The following PRKCQ variants were observed in gnomAD, a reference collection of about 807,000 sequenced individuals.
PRKCQ encodes the protein protein kinase C theta type.
Under a neutral mutation model 91.2 loss-of-function variants are expected in PRKCQ, and 41 were observed. That is an observed-to-expected ratio of 0.45 (90% CI 0.35 to 0.58). The LOEUF is 0.58. Ranked by LOEUF, PRKCQ falls within the 20% of genes least tolerant of loss-of-function variation. The pLI is 0.00. For missense variants in PRKCQ, 673 were observed against 896.5 expected, an observed-to-expected ratio of 0.75 and a Z score of 3.18; for synonymous variants, 307 against 316.9, an observed-to-expected ratio of 0.97 and a Z score of 0.33.
rs147397741 is a variant in PRKCQ, at chr10:6,431,399, C to T, written c.1837-461G>A. ...ATAAACACACACTGGCACACATGCACATAAATGTGAGCACGTGCAGACATA... is the reference window on the plus strand; with the variant it reads ...ATAAACACACACTGGCACACATGCATATAAATGTGAGCACGTGCAGACATA... On this transcript the variant is annotated intron_variant, in intron 16 of 17. Coordinates refer to ENST00000263125, the MANE Select transcript of PRKCQ (RefSeq NM_006257.5). Among the ~76,000 whole-genome samples, 18 of 152,326 alleles carry T rather than the reference C, an allele frequency of 1.2e-4. No individual in the cohort carries two copies. The East Asian group carries it at 3.3e-3, about 28-fold the overall frequency.
At chr10:6,560,170 C>T (rs1263879855) in intron 1 of PRKCQ, among the ~76,000 whole-genome samples, 1 of 152,170 alleles carries the variant, frequency 6.6e-6, no homozygotes, top group Non-Finnish European at 1.5e-5. Flanking sequence ...CTCTTTGTTA[C>T]TGCCTAAGCC....
intron 14 of PRKCQ, among the ~76,000 whole-genome samples, chr10:6,457,948 T>G (rs1835102743): frequency 1.4e-5 from 1 of 72,294 alleles, no homozygotes; most frequent in South Asian, 8.0e-4. Context: ...TGATATCAGG[T>G]TTTTTTTTTT....
At chr10:6,580,104 C>A (rs886486349) in intron 1 of PRKCQ, 107 bp downstream of exon 1, 8 of 152,366 alleles carry the variant, frequency 5.3e-5, no homozygotes, top group African/African-American at 1.9e-4. Context: ...GCAGCCCTCA[C>A]CCCTTCCCGG....
At chr10:6,417,889 C>G in the PRKCQ span, among the ~76,000 whole-genome samples, 1 of 152,292 alleles carries the variant, frequency 6.6e-6, no homozygotes, top group African/African-American at 2.4e-5. Flanking sequence ...TTGCTCCCAG[C>G]AAAAGTCCCT....
intron 4 of PRKCQ, among the ~76,000 whole-genome samples, chr10:6,506,737 T>A (rs1332758298): frequency 6.6e-6 from 1 of 152,206 alleles, no homozygotes; most frequent in Admixed American, 6.5e-5. Flanking sequence ...TGCTTCTTCT[T>A]GGTAGTAAAA....
At chr10:6,527,582 G>GC (rs947323236) in intron 1 of PRKCQ, among the ~76,000 whole-genome samples, 3 of 152,064 alleles carry the variant, frequency 2.0e-5, no homozygotes, top group Admixed American at 1.3e-4. Context: ...AAAATCTCAG[G>GC]CCCCCCAAAC....
chr10:6,405,651 C>T, the PRKCQ span, among the ~76,000 whole-genome samples: 8 of 152,310 alleles, frequency 5.3e-5, no homozygotes, highest in East Asian at 9.6e-4. Context: ...ATTTGCCTTG[C>T]GTCTTCCCAA....
chr10:6,463,761 A>G (rs1460022055), intron 13 of PRKCQ, among the ~76,000 whole-genome samples: 2 of 152,194 alleles, frequency 1.3e-5, no homozygotes, highest in African/African-American at 4.8e-5. Context: ...AGTGGGACCC[A>G]AAGGGAACAG....
At chr10:6,434,079 A>G (rs1342064580) in intron 16 of PRKCQ, among the ~76,000 whole-genome samples, 7 of 151,242 alleles carry the variant, frequency 4.6e-5, no homozygotes. Flanking sequence ...GACTTGCCCT[A>G]TATCCCTTCT....
At chr10:6,420,831 C>T in the PRKCQ span, among the ~76,000 whole-genome samples, 1 of 152,126 alleles carries the variant, frequency 6.6e-6, no homozygotes, top group African/African-American at 2.4e-5. Flanking sequence ...TCTCTCATCA[C>T]TAGTGTTCTG....
chr10:6,579,604 G>A (rs1282200858), intron 1 of PRKCQ, among the ~76,000 whole-genome samples: 3 of 151,778 alleles, frequency 2.0e-5, no homozygotes, highest in Non-Finnish European at 4.4e-5. Context: ...TCAAAGCTGG[G>A]GAATAACCTC....
chr10:6,560,922 C>G (rs1479190767), intron 1 of PRKCQ, among the ~76,000 whole-genome samples: 2 of 151,954 alleles, frequency 1.3e-5, no homozygotes, highest in Middle Eastern at 3.4e-3. Context: ...ACCTGTAGAC[C>G]CAGCTACTCA....
intron 1 of PRKCQ, among the ~76,000 whole-genome samples, chr10:6,564,595 G>C (rs1184971650): frequency 1.3e-5 from 2 of 152,114 alleles, no homozygotes; most frequent in East Asian, 3.9e-4. Flanking sequence ...GGCCATATAA[G>C]GGAGTGACCT....
At chr10:6,400,950 G>A in the PRKCQ span, among the ~76,000 whole-genome samples, 1 of 152,204 alleles carries the variant, frequency 6.6e-6, no homozygotes, top group Non-Finnish European at 1.5e-5. Context: ...ACTGTCTTCT[G>A]GAGAACTTGC....
intron 1 of PRKCQ, among the ~76,000 whole-genome samples, chr10:6,525,733 A>G (rs999281130): frequency 3.3e-5 from 5 of 152,194 alleles, no homozygotes; most frequent in Non-Finnish European, 7.3e-5. Flanking sequence ...TTCCTCCTTG[A>G]TCTCCACACA....
At chr10:6,446,072 G>A (rs1168058124) in intron 15 of PRKCQ, among the ~76,000 whole-genome samples, 4 of 152,328 alleles carry the variant, frequency 2.6e-5, no homozygotes, top group East Asian at 1.9e-4. Context: ...CACACGTGCA[G>A]CAGAGTGTTC....
chr10:6,489,508 C>T (rs1588748719), intron 8 of PRKCQ: 1 of 519,636 alleles, frequency 1.9e-6, no homozygotes, highest in Non-Finnish European at 4.0e-6. Flanking sequence ...CTAAGGAGGC[C>T]CTACTTAAGA....
intron 1 of PRKCQ, among the ~76,000 whole-genome samples, chr10:6,515,769 T>G (rs1030339349): frequency 6.6e-6 from 1 of 151,728 alleles, no homozygotes; most frequent in African/African-American, 2.4e-5. Flanking sequence ...TACTATAAAA[T>G]AGGGCTTTCT....
intron 1 of PRKCQ, among the ~76,000 whole-genome samples, chr10:6,575,835 A>G (rs772625494): frequency 6.6e-6 from 1 of 152,172 alleles, no homozygotes; most frequent in Non-Finnish European, 1.5e-5. Flanking sequence ...AGGTCAAGAG[A>G]TCGAGACCAT....
Sources: gnomAD v4.1 joint callset for allele counts (sites outside exome capture counted in the v4.1 genomes callset) on GRCh38, gnomAD v4.1.1 for gene constraint, MANE v1.5 for transcripts, NCBI Gene and HGNC (gene_info 2026-07-23, HGNC 2026-07-21) for gene names.